Variants in L3MBTL4 observed in about 807,000 individuals in gnomAD.
L3MBTL4 encodes the protein lethal(3)malignant brain tumor-like protein 4.
A neutral mutation model predicts 84.5 loss-of-function variants in L3MBTL4; 70 were observed. The ratio of observed to expected loss-of-function variants is 0.83; its 90% CI spans 0.68 to 1.01. L3MBTL4 has a LOEUF of 1.01. Among genes scored for constraint, L3MBTL4 ranks in the 50% least tolerant of loss-of-function variants. The pLI is 0.00. For synonymous variants in L3MBTL4, 274 were observed against 259.8 expected (o/e 1.05, Z -0.52); for missense variants, 715 against 754.8 (o/e 0.95, Z 0.62).
intron 16 of L3MBTL4, among the ~76,000 whole-genome samples, chr18:6,037,837 T>C (rs1484053670): frequency 6.6e-6 from 1 of 152,212 alleles, no homozygotes; most frequent in Non-Finnish European, 1.5e-5. Context: ...AGAGGCTTAA[T>C]AATAAATATT....
chr18:6,003,919 A>C (rs1205159395), intron 16 of L3MBTL4, among the ~76,000 whole-genome samples: 1 of 152,146 alleles, frequency 6.6e-6, no homozygotes, highest in Admixed American at 6.5e-5. Flanking sequence ...TTACATTAGA[A>C]AAGAAGAAAG....
At position 6,179,007 on chromosome 18, in the gene L3MBTL4, C is replaced by G. The variant is rs376562810; in HGVS notation, c.982-7065G>C. Among the ~76,000 whole-genome samples, 10 of 152,278 alleles carry G rather than the reference C, an allele frequency of 6.6e-5. No homozygotes were observed. The East Asian group carries it at 1.5e-3, about 24-fold the overall frequency. On this transcript the variant is annotated intron_variant, in intron 12 of 18. Coordinates refer to ENST00000317931, the MANE Select transcript of L3MBTL4 (RefSeq NM_001330559.2). ...CCCATTGTCTGAATAAGATGCAAGA[C>G]AGTAATCACATCTTCTCATTGTTCT...
intron 13 of L3MBTL4, among the ~76,000 whole-genome samples, chr18:6,162,287 C>T (rs755105756): frequency 2.0e-5 from 3 of 152,020 alleles, no homozygotes; most frequent in African/African-American, 4.8e-5. Context: ...TTTTCCCAAG[C>T]CCTCAACTTT....
chr18:6,393,511 C>G (rs942090275), intron 1 of L3MBTL4, among the ~76,000 whole-genome samples: 1 of 152,208 alleles, frequency 6.6e-6, no homozygotes, highest in Admixed American at 6.5e-5. Flanking sequence ...CAGACCTGTT[C>G]TAAGCACTTT....
chr18:6,004,902 C>G (rs1368480645), intron 16 of L3MBTL4, among the ~76,000 whole-genome samples: 2 of 146,924 alleles, frequency 1.4e-5, no homozygotes, highest in Admixed American at 6.9e-5. Context: ...CAGGTGATGA[C>G]TAACTTCTGG....
intron 16 of L3MBTL4, among the ~76,000 whole-genome samples, chr18:6,066,506 A>G (rs1296670497): frequency 6.6e-6 from 1 of 152,132 alleles, no homozygotes; most frequent in Non-Finnish European, 1.5e-5. Context: ...TGGGTCTAGT[A>G]GTAATTATTT....
At position 6,391,355 on chromosome 18, in the gene L3MBTL4, T is replaced by A. The variant is rs533791752; in HGVS notation, c.-91+23446A>T. Among the ~76,000 whole-genome samples the A allele has an allele frequency of 7.7e-4, 117 of 152,196 alleles. 2 individuals carry two copies. In the South Asian group the frequency reaches 0.023, roughly 30 times the overall value. The stretch of plus-strand genomic sequence containing the variant: ...ACTTAAAAACAATAAAAGCCATATA[T>A]GGAAAACCCACAGGCAATATCACAC... On this transcript the variant is annotated intron_variant, in intron 1 of 18. Transcript: ENST00000317931.
At chr18:6,032,320 G>A in intron 16 of L3MBTL4, 2 of 982,070 alleles carry the variant, frequency 2.0e-6, no homozygotes, top group Non-Finnish European at 2.4e-6. Context: ...CAAGTTACGT[G>A]CAAAAAAGCT....
At chr18:6,145,589 T>G (rs55696417) in intron 13 of L3MBTL4, among the ~76,000 whole-genome samples, 11,772 of 151,358 alleles carry the variant, frequency 0.078, 628 homozygotes, top group Non-Finnish European at 0.12. Context: ...TTAGCAAGTT[T>G]TTTTTTTTTT....
At chr18:6,130,602 A>T (rs2059845829) in intron 14 of L3MBTL4, among the ~76,000 whole-genome samples, 1 of 152,150 alleles carries the variant, frequency 6.6e-6, no homozygotes, top group Non-Finnish European at 1.5e-5. Context: ...AAATAATATA[A>T]TTATTGGTTC....
intron 16 of L3MBTL4, among the ~76,000 whole-genome samples, chr18:6,055,793 C>T (rs1397537151): frequency 6.6e-6 from 1 of 152,156 alleles, no homozygotes; most frequent in Non-Finnish European, 1.5e-5. Flanking sequence ...AGTTGGAACC[C>T]AGATTCTCAG....
intron 12 of L3MBTL4, among the ~76,000 whole-genome samples, chr18:6,184,461 G>T (rs1302424444): frequency 1.3e-5 from 2 of 152,036 alleles, no homozygotes; most frequent in Non-Finnish European, 2.9e-5. Context: ...AAACAAATAC[G>T]TCTAAAGGAT....
chr18:6,315,086 A>T (rs922696193), intron 1 of L3MBTL4, among the ~76,000 whole-genome samples: 5 of 152,256 alleles, frequency 3.3e-5, no homozygotes, highest in Admixed American at 2.0e-4. Flanking sequence ...AATACATGCC[A>T]TTAAAAAATT....
rs145619902 is a variant in L3MBTL4 at position 6,089,283 on chromosome 18, C to T, written c.1373+4072G>A. Among the ~76,000 whole-genome samples the T allele has an allele frequency of 2.5e-3, 386 of 152,210 alleles. 3 individuals carry two copies. Among genetic ancestry groups the T allele is most frequent in the African/African-American group, 8.8e-3 (366 of 41,532 alleles). On this transcript the variant is annotated intron_variant, in intron 15 of 18. Transcript: ENST00000317931. ...AAGCCTTTAGTATACTATAATAAAA[C>T]GTGCTCAAGACGGACATTTTGTATT...
intron 12 of L3MBTL4, among the ~76,000 whole-genome samples, chr18:6,196,509 A>G (rs758172919): frequency 6.6e-6 from 1 of 152,170 alleles, no homozygotes; most frequent in African/African-American, 2.4e-5. Flanking sequence ...CTGAATGCAC[A>G]TAATTCTTCC....
At chr18:6,252,718 A>T (rs955142566) in intron 5 of L3MBTL4, among the ~76,000 whole-genome samples, 1 of 152,240 alleles carries the variant, frequency 6.6e-6, no homozygotes, top group African/African-American at 2.4e-5. Flanking sequence ...ATTTTATTTC[A>T]TTCTTAATTG....
At chr18:5,969,689 T>C in intron 16 of L3MBTL4, 127 bp from the exon 17 acceptor site, 1 of 861,180 alleles carries the variant, frequency 1.2e-6, no homozygotes, top group Non-Finnish European at 1.8e-6. Flanking sequence ...ACCCGCGTCT[T>C]CTGATCGTAC....
intron 10 of L3MBTL4, among the ~76,000 whole-genome samples, chr18:6,226,845 T>G (rs2046804332): frequency 6.6e-6 from 1 of 151,914 alleles, no homozygotes; most frequent in Non-Finnish European, 1.5e-5. Context: ...AAAACCATAA[T>G]GGATAAATAG....
chr18:6,246,023 C>T (rs1033282295), intron 5 of L3MBTL4, among the ~76,000 whole-genome samples: 1 of 152,084 alleles, frequency 6.6e-6, no homozygotes, highest in Non-Finnish European at 1.5e-5. Context: ...TCAAGAAAAG[C>T]GTTTTGAATA....
Sources: allele counts gnomAD v4.1 joint callset (sites outside exome capture counted in the v4.1 genomes callset), GRCh38; gene constraint gnomAD v4.1.1; transcripts MANE v1.5; gene names NCBI Gene and HGNC (gene_info 2026-07-23, HGNC 2026-07-21).